Variants in BLK observed in about 807,000 individuals in gnomAD.
BLK encodes BLK proto-oncogene, Src family tyrosine kinase, also known as tyrosine-protein kinase Blk.
In BLK, 64 loss-of-function variants were observed where a neutral mutation model predicts 61.8. That is an observed-to-expected ratio of 1.03 (90% CI 0.85 to 1.27). The LOEUF is 1.27. BLK is among the 50% of genes most tolerant of loss of function. The probability of loss-of-function intolerance (pLI) is 0.00; values close to 1 mark genes in which losing one functional copy is unlikely to be tolerated. For synonymous variants in BLK, 351 were observed against 272.0 expected (o/e 1.29, Z -2.86); for missense variants, 853 against 660.5 (o/e 1.29, Z -3.19).
chr8:11,552,780 T>C (rs1228442054), intron 6 of BLK: 2 of 152,182 alleles, frequency 1.3e-5, no homozygotes, highest in Admixed American at 6.5e-5. Context: ...TCTCTATGAG[T>C]CTGGCATCTT....
intron 1 of BLK, among the ~76,000 whole-genome samples, chr8:11,542,921 C>G (rs1201471444): frequency 6.6e-6 from 1 of 152,214 alleles, no homozygotes; most frequent in Non-Finnish European, 1.5e-5. Flanking sequence ...TGGCCTCCCG[C>G]TCAGGCTCCT....
At chr8:11,535,352 A>G (rs1216045496) in intron 1 of BLK, among the ~76,000 whole-genome samples, 1 of 151,768 alleles carries the variant, frequency 6.6e-6, no homozygotes, top group Admixed American at 6.6e-5. Flanking sequence ...GAAGGAAGGA[A>G]AGGAAAGGAA....
chr8:11,521,144 G>A (rs1799431464), intron 1 of BLK, among the ~76,000 whole-genome samples: 2 of 152,090 alleles, frequency 1.3e-5, no homozygotes, highest in Admixed American at 1.3e-4. Context: ...TAAGTGATAA[G>A]GAAGGCAATT....
chr8:11,553,391 T>A, intron 6 of BLK: 1 of 450,746 alleles, frequency 2.2e-6, no homozygotes, highest in Non-Finnish European at 4.5e-6. Context: ...GGATCCAGGT[T>A]TTGTGAAACT....
intron 1 of BLK, among the ~76,000 whole-genome samples, chr8:11,504,412 A>AAAAGAAAAGAAAAGAAAAGAAAAGAAAAG (rs149656194): frequency 1.1e-3 from 160 of 140,850 alleles, no homozygotes; most frequent in Middle Eastern, 3.7e-3. Flanking sequence ...AAAAGAAAAG[A>AAAAGAAAAGAAAAGAAAAGAAAAGAAAAG]AAAAAAAAAG....
At chr8:11,553,352 G>A (rs112675722) in intron 6 of BLK, 120 of 442,004 alleles carry the variant, frequency 2.7e-4, no homozygotes, top group African/African-American at 2.0e-3. Flanking sequence ...TGCCTGCCCA[G>A]GGCAGTCCAG....
At chr8:11,529,638 G>A (rs930968364) in intron 1 of BLK, among the ~76,000 whole-genome samples, 2 of 152,232 alleles carry the variant, frequency 1.3e-5, no homozygotes, top group South Asian at 4.2e-4. Flanking sequence ...GTCCTACAAA[G>A]GCATCTAGTT....
intron 1 of BLK, among the ~76,000 whole-genome samples, chr8:11,542,913 G>T (rs552891479): frequency 1.3e-5 from 2 of 152,260 alleles, no homozygotes; most frequent in African/African-American, 4.8e-5. Context: ...ACACCACGTG[G>T]CCTCCCGCTC....
At chr8:11,522,595 A>G (rs1799499212) in intron 1 of BLK, among the ~76,000 whole-genome samples, 1 of 152,080 alleles carries the variant, frequency 6.6e-6, no homozygotes, top group Non-Finnish European at 1.5e-5. Context: ...ATCCCAATGC[A>G]TTTCATCATT....
chr8:11,535,968 G>A (rs141690324), intron 1 of BLK, among the ~76,000 whole-genome samples: 153 of 152,312 alleles, frequency 1.0e-3, no homozygotes, highest in African/African-American at 3.5e-3. Context: ...AGTCAGAGCA[G>A]AAGGGACTCC....
At chr8:11,502,831 C>T (rs1798617640) in intron 1 of BLK, among the ~76,000 whole-genome samples, 1 of 152,082 alleles carries the variant, frequency 6.6e-6, no homozygotes, top group Non-Finnish European at 1.5e-5. Flanking sequence ...ACAGCGGAGG[C>T]CCAGGTGGGT....
intron 1 of BLK, among the ~76,000 whole-genome samples, chr8:11,535,264 G>GAA (rs1315695181): frequency 1.4e-5 from 1 of 70,718 alleles, no homozygotes; most frequent in East Asian, 4.2e-4. Flanking sequence ...AAAGAAAGAA[G>GAA]AAAGAAAGAA....
rs1460177220 is a variant in BLK at position 11,561,363 on chromosome 8, C to T, written c.1091C>T (p.Ala364Val). 11 of 1,614,000 alleles carry T rather than the reference C, an allele frequency of 6.8e-6. No individual in the cohort carries two copies. Among genetic ancestry groups the T allele is most frequent in the African/African-American group, 5.3e-5 (4 of 74,926 alleles). The change falls in exon 11 of 13, where the codon GCC (alanine) becomes GTC (valine). Residue 364 changes from alanine (A) to valine (V), a missense_variant. Transcript: ENST00000259089. ...MNSIHRDLRA[A>V]NILVSEALCC... ...TCCATCCACCGCGACCTGCGGGCGG[C>T]CAACATCCTGGTGTCTGAGGCCTTG...
At chr8:11,526,672 C>G (rs1799663539) in intron 1 of BLK, among the ~76,000 whole-genome samples, 1 of 152,172 alleles carries the variant, frequency 6.6e-6, no homozygotes, top group East Asian at 1.9e-4. Flanking sequence ...TGAGCTGAGA[C>G]TGTGCCAGTG....
At chr8:11,549,504 G>C (rs73195287) in intron 5 of BLK, among the ~76,000 whole-genome samples, 24,324 of 152,134 alleles carry the variant, frequency 0.16, 2,115 homozygotes, top group South Asian at 0.21. Flanking sequence ...GGAGGGTGGC[G>C]TTGTTCAGAA....
At chr8:11,530,670 TGTAA>T (rs1357860714) in intron 1 of BLK, among the ~76,000 whole-genome samples, 12 of 75,670 alleles carry the variant, frequency 1.6e-4, no homozygotes, top group Admixed American at 1.5e-3. Context: ...TGTTAAAAGT[TGTAA>T]ATAGCTCAGT....
At chr8:11,543,668 C>A (rs1415530873) in intron 2 of BLK, among the ~76,000 whole-genome samples, 1 of 152,184 alleles carries the variant, frequency 6.6e-6, no homozygotes, top group African/African-American at 2.4e-5. Flanking sequence ...TCCCCAGCAG[C>A]TCCTGGAGAC....
intron 1 of BLK, among the ~76,000 whole-genome samples, chr8:11,501,582 A>G (rs1264661983): frequency 1.3e-5 from 2 of 152,234 alleles, no homozygotes; most frequent in Non-Finnish European, 1.5e-5. Flanking sequence ...TTATAGTAAC[A>G]TGTACTGATA....
chr8:11,530,958 A>G (rs1017812248), intron 1 of BLK, among the ~76,000 whole-genome samples: 1 of 152,212 alleles, frequency 6.6e-6, no homozygotes, highest in African/African-American at 2.4e-5. Context: ...TCACCTTACC[A>G]TCAGCCTCAG....
Sources: gnomAD v4.1 joint callset for allele counts (sites outside exome capture counted in the v4.1 genomes callset) on GRCh38, gnomAD v4.1.1 for gene constraint, MANE v1.5 for transcripts, NCBI Gene and HGNC (gene_info 2026-07-23, HGNC 2026-07-21) for gene names.